MTBP: variants seen among roughly 807,000 people sequenced by gnomAD.
MTBP encodes the protein MDM2 binding protein, also known as mdm2-binding protein.
In MTBP, 101 loss-of-function variants were observed where a neutral mutation model predicts 117.0. The observed-to-expected ratio is 0.86, with a 90% CI of 0.73 to 1.02. The LOEUF is 1.02. Among genes scored for constraint, MTBP ranks in the 50% least tolerant of loss-of-function variants. The pLI is 0.00. For synonymous variants in MTBP, 350 were observed against 351.5 expected, an observed-to-expected ratio of 1.00 and a Z score of 0.05; for missense variants, 970 against 1,030.9, an observed-to-expected ratio of 0.94 and a Z score of 0.81.
At chr8:120,489,903 CAG>C (rs1379162548) in intron 12 of MTBP, among the ~76,000 whole-genome samples, 3 of 152,046 alleles carry the variant, frequency 2.0e-5, no homozygotes, top group Non-Finnish European at 4.4e-5. Flanking sequence ...TTTTAGGGGA[CAG>C]AGGAAAAAAA....
At chr8:120,506,004 A>G (rs1215649326) in intron 15 of MTBP, among the ~76,000 whole-genome samples, 1 of 152,184 alleles carries the variant, frequency 6.6e-6, no homozygotes, top group Non-Finnish European at 1.5e-5. Context: ...TAAGCTTGGC[A>G]TGCCGATTTT....
At chr8:120,513,355 C>A (rs904481136) in intron 17 of MTBP, among the ~76,000 whole-genome samples, 12 of 151,892 alleles carry the variant, frequency 7.9e-5, no homozygotes, top group Admixed American at 6.6e-5. Context: ...TTTGTTAGGA[C>A]CCATAAAGCA....
intron 11 of MTBP, among the ~76,000 whole-genome samples, chr8:120,477,847 A>T (rs935312312): frequency 6.6e-6 from 1 of 152,168 alleles, no homozygotes; most frequent in Non-Finnish European, 1.5e-5. Flanking sequence ...CAGTGTGGCA[A>T]TTCTTCAATG....
chr8:120,514,062 T>C (rs1447050099), intron 17 of MTBP, among the ~76,000 whole-genome samples: 8 of 151,800 alleles, frequency 5.3e-5, no homozygotes, highest in East Asian at 1.9e-4. Flanking sequence ...ATCATCTAAG[T>C]AGACTTTTTA....
rs2130620259 is a variant in MTBP, at chr8:120,516,071, T to C, written c.2126T>C (p.Val709Ala). The C allele has an allele frequency of 6.2e-7, 1 of 1,613,124 alleles. No homozygotes were observed. Among genetic ancestry groups the C allele is most frequent in the African/African-American group, 1.3e-5 (1 of 74,988 alleles). Reference sequence around the variant, plus strand: ...GTGTTGAGCCCTCTTCCATCTCCTGTAGTTTCGTCAGATCCTGGAAGTGTC... The same window carrying C: ...GTGTTGAGCCCTCTTCCATCTCCTGCAGTTTCGTCAGATCCTGGAAGTGTC... Reference protein sequence around the residue: ...PTVLSPLPSPVVSSDPGSVPD... With the variant: ...PTVLSPLPSPAVSSDPGSVPD... The change falls in exon 18 of 22, where the codon GTA becomes GCA. Residue 709 changes from valine to alanine, a missense_variant. Transcript: ENST00000305949.
At chr8:120,479,011 G>A (rs1186836831) in intron 11 of MTBP, among the ~76,000 whole-genome samples, 2 of 152,158 alleles carry the variant, frequency 1.3e-5, no homozygotes, top group Non-Finnish European at 2.9e-5. Context: ...TTGCAACACC[G>A]TGGATGCAAC....
chr8:120,501,122 CGGAGCTTGCAGTGAGCCG>C (rs1814576061), intron 14 of MTBP, among the ~76,000 whole-genome samples: 2 of 135,530 alleles, frequency 1.5e-5, no homozygotes, highest in Admixed American at 8.7e-5. Context: ...ACCTGGGAGG[CGGAGCTTGCAGTGAGCCG>C]AGATTGCGCC....
chr8:120,502,521 A>C lies in MTBP; in HGVS notation c.1639A>C (p.Ser547Arg). 6.2e-7 allele frequency: 1 copy of C among 1,604,912 alleles called. No homozygotes were observed. The stretch of plus-strand genomic sequence containing the variant: ...TAGTCCAGTGGAACCTAATTCCTCA[A>C]GTCTAATGGAAACCAATCCTCTGGA... ...DFSPVEPNSS[S>R]LMETNPLEWP... Residue 547 changes from serine to arginine, a missense_variant, in exon 15 of 22, where the codon AGT becomes CGT. Physicochemically the swap from Ser to Arg is moderately radical, Grantham distance 110 (BLOSUM62 -1). Coordinates refer to ENST00000305949, the MANE Select transcript of MTBP (RefSeq NM_022045.5).
chr8:120,478,066 C>A (rs566487602), intron 11 of MTBP, among the ~76,000 whole-genome samples: 1 of 152,062 alleles, frequency 6.6e-6, no homozygotes, highest in East Asian at 1.9e-4. Flanking sequence ...TGGAATACTA[C>A]GCAGCCATAA....
chr8:120,500,190 T>G (rs931215402), intron 14 of MTBP, among the ~76,000 whole-genome samples: 24 of 152,300 alleles, frequency 1.6e-4, no homozygotes, highest in Admixed American at 7.2e-4. Flanking sequence ...TGATTTTTTT[T>G]TTAAAGCAGT....
chr8:120,468,684 A>G lies in MTBP; in HGVS notation c.1048-2136A>G, dbSNP rs181242485. ...AGAATTGGGCCCTTTCTGTTGACCA[A>G]TGCCGGCTACAGGTGTTGCAGTTTT... On this transcript the variant is annotated intron_variant, in intron 10 of 21. Transcript: ENST00000305949. Among the ~76,000 whole-genome samples, 377 of 152,094 alleles carry G rather than the reference A, an allele frequency of 2.5e-3. 2 individuals carry two copies. Among genetic ancestry groups the G allele is most frequent in the South Asian group, 3.5e-3 (17 of 4,824 alleles).
intron 13 of MTBP, among the ~76,000 whole-genome samples, chr8:120,496,911 G>A (rs1039723706): frequency 6.6e-5 from 10 of 152,034 alleles, no homozygotes; most frequent in African/African-American, 2.2e-4. Context: ...TGCAGACTCC[G>A]TTACCACTCG....
chr8:120,458,254 T>TC (rs1353485245), intron 7 of MTBP, among the ~76,000 whole-genome samples: 2 of 152,168 alleles, frequency 1.3e-5, no homozygotes, highest in Non-Finnish European at 2.9e-5. Context: ...AAATCCCAAC[T>TC]CTTTTTTCTT....
intron 17 of MTBP, 44 bp from the exon 18 acceptor site, chr8:120,515,881 C>T (rs1024780052): frequency 1.3e-6 from 2 of 1,557,306 alleles, no homozygotes; most frequent in East Asian, 2.3e-5. Flanking sequence ...AAGTCTGTTG[C>T]TCTCATGGAG....
At chr8:120,516,728 A>G (rs1007516738) in intron 18 of MTBP, among the ~76,000 whole-genome samples, 2 of 152,208 alleles carry the variant, frequency 1.3e-5, no homozygotes, top group Middle Eastern at 3.4e-3. Context: ...TTAGAAGTTT[A>G]TGTAGTGAAC....
chr8:120,496,892 C>T (rs1016317295), intron 13 of MTBP, among the ~76,000 whole-genome samples: 5 of 152,142 alleles, frequency 3.3e-5, no homozygotes, highest in African/African-American at 1.2e-4. Flanking sequence ...GGTGGCTCTT[C>T]CTCTGCTTTG....
chr8:120,516,206 G>GCA lies in MTBP; in HGVS notation c.2246+18_2246+19dup. On this transcript the variant is annotated intron_variant, in intron 18 of 21. Coordinates refer to ENST00000305949, the MANE Select transcript of MTBP (RefSeq NM_022045.5). ...CCCAGAAAAAGGTGATATATTACAT[G>GCA]CACATAAATAGTATATTGACAGAAA... is the stretch of plus-strand genomic sequence containing the variant. The GCA allele has an allele frequency of 1.9e-6, 3 of 1,587,768 alleles. No individual in the cohort carries two copies. Among genetic ancestry groups the GCA allele is most frequent in the Non-Finnish European group, 2.6e-6 (3 of 1,160,292 alleles).
chr8:120,516,039 A>C lies in MTBP; in HGVS notation c.2094A>C (p.Val698=). The C allele has an allele frequency of 6.2e-7, 1 of 1,613,148 alleles. No homozygotes were observed. The highest frequency in any genetic ancestry group is 1.3e-5 in the African/African-American group (1 of 74,968). The stretch of plus-strand genomic sequence containing the variant: ...CCTGCACCAGAGAAAGTTTTCCAGT[A>C]CCTACTGTGTTGAGCCCTCTTCCAT... The part of the protein sequence containing the change: ...QTTCTRESFP[V]PTVLSPLPSP... The change falls in exon 18 of 22, where the codon GTA becomes GTC. Residue 698 remains valine (V), a synonymous_variant. Transcript: ENST00000305949.
At chr8:120,451,402 T>C (rs765836340) in intron 4 of MTBP, 80 bp downstream of exon 4, 2 of 1,273,770 alleles carry the variant, frequency 1.6e-6, no homozygotes, top group Non-Finnish European at 2.2e-6. Context: ...ATGAAGATTA[T>C]ATATTTTAGC....
Sources: gnomAD v4.1 joint callset for allele counts (sites outside exome capture counted in the v4.1 genomes callset) on GRCh38, gnomAD v4.1.1 for gene constraint, MANE v1.5 for transcripts, NCBI Gene and HGNC (gene_info 2026-07-23, HGNC 2026-07-21) for gene names.